MAPK6: variants seen among roughly 807,000 people sequenced by gnomAD.
MAPK6 encodes ERK-3.
In MAPK6, 19 loss-of-function variants were observed where a neutral mutation model predicts 59.3. That is an observed-to-expected ratio of 0.32 (90% confidence interval 0.22 to 0.47). The LOEUF is 0.47. Among genes scored for constraint, MAPK6 ranks in the 20% least tolerant of loss-of-function variants. The pLI, the probability that MAPK6 is intolerant of heterozygous loss-of-function variation, is 1.00. For missense variants in MAPK6, 724 were observed against 847.9 expected (o/e 0.85, Z 1.81); for synonymous variants, 316 against 290.3 (o/e 1.09, Z -0.90).
chr15:51,987,965 C>A (rs1346971700), intron 2 of MAPK6, among the ~76,000 whole-genome samples: 2 of 152,036 alleles, frequency 1.3e-5, no homozygotes, highest in Non-Finnish European at 2.9e-5. Flanking sequence ...AGAGTTTCCT[C>A]ATGTTGGCCA....
chr15:52,050,180 A>G (rs960654777), intron 3 of MAPK6, 43 bp downstream of exon 3: 1 of 1,541,556 alleles, frequency 6.5e-7, no homozygotes, highest in African/African-American at 1.4e-5. Context: ...AAGAGAAGTA[A>G]TTTTGCATTT....
At chr15:51,997,633 C>G (rs1174574887) in intron 2 of MAPK6, among the ~76,000 whole-genome samples, 1 of 145,784 alleles carries the variant, frequency 6.9e-6, no homozygotes, top group African/African-American at 2.5e-5. Context: ...TCTTGTTGCC[C>G]AGGCTGGAAT....
At chr15:52,031,673 T>C (rs1447804413) in intron 1 of MAPK6, among the ~76,000 whole-genome samples, 1 of 152,064 alleles carries the variant, frequency 6.6e-6, no homozygotes, top group Non-Finnish European at 1.5e-5. Flanking sequence ...TCTACCAAGA[T>C]AATAAAAAAT....
intron 2 of MAPK6, among the ~76,000 whole-genome samples, chr15:51,991,205 G>A (rs1434930862): frequency 2.0e-5 from 3 of 148,036 alleles, no homozygotes; most frequent in African/African-American, 5.0e-5. Context: ...ATGTATATAT[G>A]TACATATGTA....
rs543566553 is a variant in MAPK6 at position 52,026,544 on chromosome 15, G to A, written c.-632+7168G>A. Among the ~76,000 whole-genome samples, 90 of 151,890 alleles carry A rather than the reference G, an allele frequency of 5.9e-4. No individual in the cohort carries two copies. In the South Asian group the frequency reaches 0.013, roughly 22 times the overall value. ...TGACCTCAAGTGATCCACCCGTCTC[G>A]GCCTCCCAAAGTGCAGGGATTACAG... On this transcript the variant is annotated intron_variant, in intron 1 of 5. Coordinates refer to ENST00000261845, the MANE Select transcript of MAPK6 (RefSeq NM_002748.4).
At chr15:51,981,345 C>T (rs1246924561) in intron 1 of MAPK6, among the ~76,000 whole-genome samples, 2 of 151,694 alleles carry the variant, frequency 1.3e-5, no homozygotes, top group African/African-American at 2.4e-5. Context: ...TGGTGGCGGG[C>T]GCCTGTAGTC....
chr15:51,998,280 C>T (rs903503878), intron 2 of MAPK6, among the ~76,000 whole-genome samples: 3 of 152,060 alleles, frequency 2.0e-5, no homozygotes, highest in Admixed American at 6.6e-5. Flanking sequence ...TCTCGGCTCA[C>T]TGCAACCCCC....
intron 3 of MAPK6, among the ~76,000 whole-genome samples, chr15:52,051,887 A>AT (rs1236183528): frequency 6.6e-6 from 1 of 151,584 alleles, no homozygotes; most frequent in Non-Finnish European, 1.5e-5. Context: ...AAAAAAAAAA[A>AT]TTTCTAAGAT....
At chr15:52,051,742 C>T (rs143681928) in intron 3 of MAPK6, among the ~76,000 whole-genome samples, 2,520 of 151,986 alleles carry the variant, frequency 0.017, 31 homozygotes, top group African/African-American at 0.034. Context: ...GGCATGGTGG[C>T]GCACGCCTGT....
intron 1 of MAPK6, among the ~76,000 whole-genome samples, chr15:52,022,082 G>C (rs1030138372): frequency 6.6e-6 from 1 of 152,130 alleles, no homozygotes; most frequent in Admixed American, 6.5e-5. Context: ...CCGGCACTTT[G>C]GGAGCCTGAG....
chr15:52,025,990 G>A (rs1252241237), intron 1 of MAPK6, among the ~76,000 whole-genome samples: 1 of 152,168 alleles, frequency 6.6e-6, no homozygotes, highest in African/African-American at 2.4e-5. Context: ...ATTTCAGTAT[G>A]TATTATAAAA....
chr15:52,028,053 C>T (rs1028516929), intron 1 of MAPK6, among the ~76,000 whole-genome samples: 2 of 147,598 alleles, frequency 1.4e-5, no homozygotes, highest in South Asian at 4.3e-4. Flanking sequence ...CCCAGGTTCA[C>T]GCCATTCTTC....
At chr15:52,050,275 T>A in intron 3 of MAPK6, 138 bp downstream of exon 3, 1 of 772,286 alleles carries the variant, frequency 1.3e-6, no homozygotes, top group Non-Finnish European at 2.0e-6. Context: ...TTGGCGTTTT[T>A]AATAAAAAAA....
intron 1 of MAPK6, among the ~76,000 whole-genome samples, chr15:52,031,994 G>A (rs8032697): frequency 0.038 from 5,772 of 150,316 alleles, 199 homozygotes; most frequent in South Asian, 0.17. Flanking sequence ...CCTGCCTCCC[G>A]GGTTCATGCC....
intron 4 of MAPK6, among the ~76,000 whole-genome samples, chr15:52,059,601 C>T (rs1034954864): frequency 1.3e-5 from 2 of 152,178 alleles, no homozygotes; most frequent in Non-Finnish European, 2.9e-5. Flanking sequence ...ATCAAGAGGA[C>T]GGTGCTGTTG....
rs1307880901 is a variant in MAPK6, at chr15:52,065,503, A to G, written c.*503A>G. ...ATGTGTTATCTACCTCAAGGTAACA[A>G]GAGTATGTGGCAAAACATATACCAC... On this transcript the variant is annotated 3_prime_UTR_variant, in exon 6 of 6. Transcript: ENST00000261845. 3 of 153,084 alleles carry G rather than the reference A, an allele frequency of 2.0e-5. No homozygotes were observed. The highest frequency in any genetic ancestry group is 3.8e-4 in the East Asian group (2 of 5,198). 9.5% of individuals were successfully genotyped at this position (153,084 alleles called of 1,614,324 possible). A position where few individuals can be genotyped will look rare whatever the true frequency, so the allele number is the denominator to read the frequency against.
At chr15:52,060,483 G>T (rs1034076410) in intron 4 of MAPK6, among the ~76,000 whole-genome samples, 1 of 152,168 alleles carries the variant, frequency 6.6e-6, no homozygotes, top group African/African-American at 2.4e-5. Flanking sequence ...GTATGAATTT[G>T]TAATGAGCCA....
In MAPK6 at chr15:52,046,073, T is replaced by C. The variant is rs1256345652; in HGVS notation, c.-388T>C. 2 of 192,592 alleles carry C rather than the reference T, an allele frequency of 1.0e-5. No individual in the cohort carries two copies. The highest frequency in any genetic ancestry group is 2.2e-5 in the Non-Finnish European group (2 of 92,560). The allele number at this position is 192,592 out of a possible 1,614,324, so 11.9% of individuals were successfully genotyped here. ...ATCTGCACTGTGAGGAGAATGTTCA[T>C]AGAAGCCTGTTGTGTGCATATTTAT... On this transcript the variant is annotated 5_prime_UTR_variant, in exon 2 of 6. Coordinates refer to ENST00000261845, the MANE Select transcript of MAPK6 (RefSeq NM_002748.4).
Position 52,030,702 on chromosome 15 carries a change from G to A in MAPK6, c.-632+11326G>A, listed in dbSNP as rs950381502. Reference sequence around the variant, plus strand: ...AGTACAGCGGTGCAATCTTGGCTCAGTGCAACCTGCGCTTCCCAGGTTCAA... The same window carrying A: ...AGTACAGCGGTGCAATCTTGGCTCAATGCAACCTGCGCTTCCCAGGTTCAA... On this transcript the variant is annotated intron_variant, in intron 1 of 5. Coordinates refer to ENST00000261845, the MANE Select transcript of MAPK6 (RefSeq NM_002748.4). Among the ~76,000 whole-genome samples the A allele has an allele frequency of 5.3e-4, 69 of 129,284 alleles. 1 individual carries two copies. Among genetic ancestry groups the A allele is most frequent in the Middle Eastern group, 6.0e-3 (1 of 168 alleles). 84.8% of individuals were successfully genotyped at this position (129,284 alleles called of 152,430 possible). A position where few individuals can be genotyped will look rare whatever the true frequency, so the allele number is the denominator to read the frequency against.
Sources: allele counts gnomAD v4.1 joint callset (sites outside exome capture counted in the v4.1 genomes callset), GRCh38; gene constraint gnomAD v4.1.1; transcripts MANE v1.5; gene names NCBI Gene and HGNC (gene_info 2026-07-23, HGNC 2026-07-21).